The following PKD2L2 variants were observed in gnomAD, a reference collection of about 807,000 sequenced individuals.
The protein encoded by PKD2L2 is polycystin 2 like 2, transient receptor potential cation channel.
A neutral mutation model predicts 83.9 loss-of-function variants in PKD2L2; 67 were observed. The observed-to-expected ratio is 0.80, with a 90% CI of 0.66 to 0.98. PKD2L2 has a LOEUF of 0.98. Ranked by LOEUF, PKD2L2 falls within the 50% of genes least tolerant of loss-of-function variation. The pLI is 0.00. For synonymous variants in PKD2L2, 223 were observed against 237.8 expected, an observed-to-expected ratio of 0.94 and a Z score of 0.57; for missense variants, 632 against 717.2, an observed-to-expected ratio of 0.88 and a Z score of 1.36.
In PKD2L2 at chr5:137,928,105, A is replaced by G. The variant is rs147655027; in HGVS notation, c.1671+2176A>G. Among the ~76,000 whole-genome samples, 9 of 152,348 alleles carry G rather than the reference A, an allele frequency of 5.9e-5. No individual in the cohort carries two copies. The East Asian group carries it at 1.7e-3, about 29-fold the overall frequency. ...ACCATAAATCAACAGAAGAACACCT[A>G]CAATATATTCAAGGAAAGAAAATGT... On this transcript the variant is annotated intron_variant, in intron 12 of 14. Transcript: ENST00000508883.
chr5:137,916,475 CTTT>C (rs1169529107), intron 8 of PKD2L2, among the ~76,000 whole-genome samples: 23 of 93,204 alleles, frequency 2.5e-4, no homozygotes, highest in Admixed American at 5.5e-4. Flanking sequence ...CACTTTTCTT[CTTT>C]TTTTTTTTTT....
Position 137,921,680 on chromosome 5 carries a change from G to A in PKD2L2, c.1373G>A (p.Gly458Asp), listed in dbSNP as rs1758920827. 1.2e-6 allele frequency: 2 copies of A among 1,601,076 alleles called. No homozygotes were observed. Among genetic ancestry groups the A allele is most frequent in the African/African-American group, 2.7e-5 (2 of 74,530 alleles). Residue 458 changes from glycine to aspartate, a missense_variant, in exon 9 of 15, where the codon GGT becomes GAT. This residue lies in a region of PKD2L2 where 399 missense variants were observed against 416.9 expected (regional missense o/e 0.96). Coordinates refer to ENST00000508883, the MANE Select transcript of PKD2L2 (RefSeq NM_001300921.2). ...RIVLGDFNFAGIQQANPILGP... is the reference protein window; with the variant it reads ...RIVLGDFNFADIQQANPILGP... Reference sequence around the variant, plus strand: ...GTTCTTGGAGATTTTAATTTTGCTGGTATTCAGCAAGCCAATCCTATCTTG... The same window carrying A: ...GTTCTTGGAGATTTTAATTTTGCTGATATTCAGCAAGCCAATCCTATCTTG...
In PKD2L2 at chr5:137,892,492, T is replaced by A; in HGVS notation, c.146T>A (p.Met49Lys). Reference sequence around the variant, plus strand: ...TTATTCTCCTTAGTGACTTTTGGGATGGTAAACCCACATATGTATTACTTA... The same window carrying A: ...TTATTCTCCTTAGTGACTTTTGGGAAGGTAAACCCACATATGTATTACTTA... ...LINLCILTFG[M>K]VNPHMYYLNK... Residue 49 changes from methionine to lysine, a missense_variant, in exon 3 of 15, where the codon ATG (methionine) becomes AAG (lysine). Met to Lys is a moderately conservative substitution (Grantham distance 95). Transcript: ENST00000508883. The A allele has an allele frequency of 6.5e-7, 1 of 1,530,792 alleles. No individual in the cohort carries two copies. Among genetic ancestry groups the A allele is most frequent in the Non-Finnish European group, 8.8e-7 (1 of 1,130,926 alleles). 94.8% of individuals were successfully genotyped at this position (1,530,792 alleles called of 1,614,324 possible).
intron 3 of PKD2L2, among the ~76,000 whole-genome samples, chr5:137,892,854 TC>T (rs1404632822): frequency 4.6e-5 from 7 of 152,224 alleles, no homozygotes; most frequent in African/African-American, 1.7e-4. Flanking sequence ...ATGCCTGTAA[TC>T]CCAGTACTTT....
At chr5:137,918,965 T>TGAGA (rs1205399142) in intron 8 of PKD2L2, among the ~76,000 whole-genome samples, 1 of 148,204 alleles carries the variant, frequency 6.7e-6, no homozygotes, top group East Asian at 2.1e-4. Flanking sequence ...TGTGTGTGTG[T>TGAGA]GTGAGTGTGT....
chr5:137,937,527 T>C (rs747593442), intron 14 of PKD2L2, among the ~76,000 whole-genome samples: 1 of 152,220 alleles, frequency 6.6e-6, no homozygotes, highest in Non-Finnish European at 1.5e-5. Flanking sequence ...ACGATAGCCA[T>C]ATGTTCTCTT....
At chr5:137,899,819 C>G (rs1756801282) in intron 5 of PKD2L2, 82 bp downstream of exon 5, 1 of 704,420 alleles carries the variant, frequency 1.4e-6, no homozygotes, top group Non-Finnish European at 2.4e-6. Flanking sequence ...ACCCTTGAAC[C>G]ACATGAGTTT....
At chr5:137,938,878 A>C (rs1760877979) in intron 14 of PKD2L2, 1 of 152,266 alleles carries the variant, frequency 6.6e-6, no homozygotes, top group South Asian at 2.1e-4. Flanking sequence ...CATGCAAAAC[A>C]TGGGTATAGT....
chr5:137,929,534 CAAAAAAA>C (rs756601170), intron 12 of PKD2L2, among the ~76,000 whole-genome samples: 80 of 3,440 alleles, frequency 0.023, 2 homozygotes, highest in African/African-American at 0.084. Context: ...ACAAAATTGC[CAAAAAAA>C]AAAAAAAAAA....
At chr5:137,921,497 A>C (rs923482996) in intron 8 of PKD2L2, 139 bp from the exon 9 acceptor site, 2 of 592,776 alleles carry the variant, frequency 3.4e-6, no homozygotes. Context: ...ATTTTACACA[A>C]CTCTGTACTA....
At chr5:137,919,845 G>A (rs1322094321) in intron 8 of PKD2L2, among the ~76,000 whole-genome samples, 1 of 152,094 alleles carries the variant, frequency 6.6e-6, no homozygotes, top group East Asian at 1.9e-4. Flanking sequence ...TTATGTGATT[G>A]GCAAAAGCAA....
At chr5:137,905,739 A>G (rs1757313613) in intron 5 of PKD2L2, among the ~76,000 whole-genome samples, 1 of 152,218 alleles carries the variant, frequency 6.6e-6, no homozygotes, top group Admixed American at 6.5e-5. Context: ...TTTAGAAGCA[A>G]GAAGCATTTC....
At chr5:137,919,658 T>A (rs940013549) in intron 8 of PKD2L2, among the ~76,000 whole-genome samples, 18 of 152,192 alleles carry the variant, frequency 1.2e-4, no homozygotes, top group African/African-American at 4.3e-4. Context: ...TTCTCTATCT[T>A]ATGTAGGAAA....
At chr5:137,920,394 T>C (rs917156129) in intron 8 of PKD2L2, among the ~76,000 whole-genome samples, 7 of 152,192 alleles carry the variant, frequency 4.6e-5, no homozygotes, top group African/African-American at 1.7e-4. Flanking sequence ...TCATTTTTCA[T>C]CTTTAAAATT....
At chr5:137,917,937 T>C (rs1561695120) in intron 8 of PKD2L2, among the ~76,000 whole-genome samples, 1 of 152,160 alleles carries the variant, frequency 6.6e-6, no homozygotes, top group Non-Finnish European at 1.5e-5. Context: ...GTGGCTCACA[T>C]TTTGGAGCCA....
At chr5:137,936,182 G>C in intron 13 of PKD2L2, 138 bp from the exon 14 acceptor site, 1 of 704,992 alleles carries the variant, frequency 1.4e-6, no homozygotes, top group South Asian at 1.9e-5. Context: ...TAGAATATTA[G>C]ATCTATAACT....
At chr5:137,904,473 A>C (rs1757211249) in intron 5 of PKD2L2, among the ~76,000 whole-genome samples, 1 of 152,228 alleles carries the variant, frequency 6.6e-6, no homozygotes, top group Non-Finnish European at 1.5e-5. Context: ...TTGCAGGGAC[A>C]TGGATGGAGC....
At chr5:137,924,996 G>C in intron 10 of PKD2L2, 44 bp from the exon 11 acceptor site, 1 of 1,064,590 alleles carries the variant, frequency 9.4e-7, no homozygotes, top group East Asian at 2.4e-5. Context: ...AATAATCAAG[G>C]ATATATTTTA....
At position 137,923,475 on chromosome 5, in the gene PKD2L2, CA is replaced by C; in HGVS notation, c.1507del (p.Ile503Ter). The C allele has an allele frequency of 6.4e-7, 1 of 1,573,260 alleles. No individual in the cohort carries two copies. Among genetic ancestry groups the C allele is most frequent in the African/African-American group, 1.3e-5 (1 of 74,234 alleles). On this transcript the variant is annotated frameshift_variant, in exon 10 of 15. Coordinates refer to ENST00000508883, the MANE Select transcript of PKD2L2 (RefSeq NM_001300921.2). LOFTEE classifies it high-confidence loss of function. Reference sequence around the variant, plus strand: ...TATTCTGAAGTGAAAGCTGACTATTCAATAGGCAGAAGGCTAGATTTTGAAC... The same window carrying C: ...TATTCTGAAGTGAAAGCTGACTATTCATAGGCAGAAGGCTAGATTTTGAAC... ...DTYSEVKADY[S>X]IGRRLDFELG...
Sources: gnomAD v4.1 joint callset for allele counts (sites outside exome capture counted in the v4.1 genomes callset) on GRCh38, gnomAD v4.1.1 for gene constraint, gnomAD v4.1.1 regional missense constraint, MANE v1.5 for transcripts, NCBI Gene and HGNC (gene_info 2026-07-23, HGNC 2026-07-21) for gene names.